ADGRG7: variants seen among roughly 807,000 people sequenced by gnomAD.
ADGRG7 encodes the protein adhesion G protein-coupled receptor G7.
In ADGRG7, 82 loss-of-function variants were observed where a neutral mutation model predicts 88.6. The observed-to-expected ratio is 0.93, with a 90% CI of 0.77 to 1.11. The LOEUF (loss-of-function observed/expected upper bound fraction) is 1.11, where lower values mean the gene tolerates loss of function less well. Ranked by LOEUF, ADGRG7 falls within the 50% of genes most tolerant of loss-of-function variation. The pLI, the probability that ADGRG7 is intolerant of heterozygous loss-of-function variation, is 0.00. For synonymous variants in ADGRG7, 381 were observed against 345.2 expected, an observed-to-expected ratio of 1.10 and a Z score of -1.15; for missense variants, 945 against 953.4, an observed-to-expected ratio of 0.99 and a Z score of 0.12.
intron 1 of ADGRG7, among the ~76,000 whole-genome samples, chr3:100,618,298 A>G (rs1330506153): frequency 6.6e-6 from 1 of 152,152 alleles, no homozygotes; most frequent in Admixed American, 6.5e-5. Flanking sequence ...GCCCATGCCT[A>G]TGTCCTGAAT....
rs1385593073 is a variant in ADGRG7 at position 100,646,559 on chromosome 3, C to T, written c.1111-10C>T. ...GAAACAGTAATTGTAATTGTCTTAT[C>T]AATTCATAGTACAACCAAAAAGAAT... On this transcript the variant is annotated splice_polypyrimidine_tract_variant and intron_variant, in intron 9 of 15. Coordinates refer to ENST00000273352, the MANE Select transcript of ADGRG7 (RefSeq NM_032787.3). 6.2e-7 allele frequency: 1 copy of T among 1,604,248 alleles called. No individual in the cohort carries two copies. Among genetic ancestry groups the T allele is most frequent in the East Asian group, 2.2e-5 (1 of 44,758 alleles).
At chr3:100,656,079 A>T (rs1255380141) in intron 13 of ADGRG7, 84 bp downstream of exon 13, 5 of 745,600 alleles carry the variant, frequency 6.7e-6, no homozygotes, top group Non-Finnish European at 1.2e-5. Context: ...TGTCACTGTA[A>T]TTTGCATTTC....
chr3:100,656,106 G>A lies in ADGRG7; in HGVS notation c.1823+111G>A, dbSNP rs569090377. The stretch of plus-strand genomic sequence containing the variant: ...TTGCATTTCACTTTATAATTGTCAT[G>A]TTTAGTGGTAGACATTTGAAATTCT... On this transcript the variant is annotated intron_variant, in intron 13 of 15. Transcript: ENST00000273352. 1.2e-4 allele frequency: 72 copies of A among 595,022 alleles called. No homozygotes were observed. The East Asian group carries it at 2.0e-3, about 16-fold the overall frequency. The allele number at this position is 595,022 out of a possible 1,614,324, so 36.9% of individuals were successfully genotyped here.
At chr3:100,651,552 TA>T (rs1029068633) in intron 11 of ADGRG7, among the ~76,000 whole-genome samples, 4 of 151,974 alleles carry the variant, frequency 2.6e-5, no homozygotes, top group African/African-American at 9.7e-5. Flanking sequence ...GAAACAAAAA[TA>T]AAAATAAACA....
chr3:100,679,347 G>C (rs1189894484), intron 15 of ADGRG7, among the ~76,000 whole-genome samples: 2 of 152,216 alleles, frequency 1.3e-5, no homozygotes, highest in African/African-American at 4.8e-5. Context: ...AGTCAAGGCA[G>C]TGTACTCTCC....
intron 1 of ADGRG7, among the ~76,000 whole-genome samples, chr3:100,618,362 A>G (rs1228520145): frequency 6.6e-6 from 1 of 152,224 alleles, no homozygotes; most frequent in Non-Finnish European, 1.5e-5. Flanking sequence ...CTAACATTTA[A>G]GTATTTAATC....
chr3:100,685,787 G>A (rs1342184925), intron 15 of ADGRG7, among the ~76,000 whole-genome samples: 1 of 152,102 alleles, frequency 6.6e-6, no homozygotes, highest in Non-Finnish European at 1.5e-5. Context: ...TTGGACATTT[G>A]GGTTGGTTCC....
Position 100,693,759 on chromosome 3 carries a change from T to G in ADGRG7, c.2137-985T>G, listed in dbSNP as rs542868810. ...TCCAGCTTTCCCAAATGATAATATC[T>G]TATACAGCCATAGTATACTGTCAAA... On this transcript the variant is annotated intron_variant, in intron 15 of 15. Coordinates refer to ENST00000273352, the MANE Select transcript of ADGRG7 (RefSeq NM_032787.3). Among the ~76,000 whole-genome samples, 704 of 152,348 alleles carry G rather than the reference T, an allele frequency of 4.6e-3. 9 individuals carry two copies. Among genetic ancestry groups the G allele is most frequent in the African/African-American group, 0.016 (673 of 41,580 alleles).
At chr3:100,656,768 A>T (rs2094938308) in intron 13 of ADGRG7, among the ~76,000 whole-genome samples, 1 of 117,596 alleles carries the variant, frequency 8.5e-6, no homozygotes, top group African/African-American at 3.1e-5. Context: ...CAAGTACACC[A>T]AAGGAAGGCT....
At chr3:100,637,915 A>T (rs1444592125) in intron 6 of ADGRG7, among the ~76,000 whole-genome samples, 1 of 152,204 alleles carries the variant, frequency 6.6e-6, no homozygotes, top group Non-Finnish European at 1.5e-5. Flanking sequence ...CACCCCACTC[A>T]ACCCCTTGCG....
At chr3:100,646,912 A>C (rs1145347) in intron 10 of ADGRG7, among the ~76,000 whole-genome samples, 188 bp downstream of exon 10, 139,513 of 152,244 alleles carry the variant, frequency 0.92, 65,181 homozygotes, top group East Asian at 1. Flanking sequence ...GTAACCCCAG[A>C]ACTTTGGAAG....
intron 15 of ADGRG7, among the ~76,000 whole-genome samples, chr3:100,674,262 TG>T (rs1364265023): frequency 6.6e-6 from 1 of 152,254 alleles, no homozygotes; most frequent in Non-Finnish European, 1.5e-5. Context: ...ATGATAGCTT[TG>T]GCTATTCTAG....
At chr3:100,645,426 C>T (rs1398282210) in intron 8 of ADGRG7, among the ~76,000 whole-genome samples, 1 of 151,902 alleles carries the variant, frequency 6.6e-6, no homozygotes, top group African/African-American at 2.4e-5. Flanking sequence ...GCCTCAAAAA[C>T]TCCACAGAAG....
rs772342238 is a variant in ADGRG7 at position 100,654,859 on chromosome 3, C to T, written c.1404C>T (p.Thr468=). ...GGAAAGTCAGAAAAACCTCAGTAAC[C>T]TGGGTTTTGGTCAATCTGTGCATAT... is the stretch of plus-strand genomic sequence containing the variant. ...VTRKVRKTSV[T]WVLVNLCISM... is the part of the protein sequence containing the mutation. The change falls in exon 12 of 16, where the codon ACC becomes ACT. Residue 468 remains threonine, a synonymous_variant. Coordinates refer to ENST00000273352, the MANE Select transcript of ADGRG7 (RefSeq NM_032787.3). 3 of 1,581,608 alleles carry T rather than the reference C, an allele frequency of 1.9e-6. No homozygotes were observed. Among genetic ancestry groups the T allele is most frequent in the African/African-American group, 1.4e-5 (1 of 73,848 alleles).
At chr3:100,654,000 A>T (rs1324269728) in intron 11 of ADGRG7, among the ~76,000 whole-genome samples, 1 of 152,178 alleles carries the variant, frequency 6.6e-6, no homozygotes, top group African/African-American at 2.4e-5. Flanking sequence ...AGGAAAAAAA[A>T]GGGAAACAGG....
At chr3:100,663,899 T>G (rs991669654) in intron 14 of ADGRG7, among the ~76,000 whole-genome samples, 3 of 152,026 alleles carry the variant, frequency 2.0e-5, no homozygotes, top group Non-Finnish European at 2.9e-5. Context: ...TAGTTAACTA[T>G]TCAAGCATCC....
At chr3:100,615,565 T>C (rs959625880) in intron 1 of ADGRG7, among the ~76,000 whole-genome samples, 1 of 152,336 alleles carries the variant, frequency 6.6e-6, no homozygotes, top group East Asian at 1.9e-4. Context: ...TTTGAAGATA[T>C]GGACCAAGAC....
intron 3 of ADGRG7, among the ~76,000 whole-genome samples, chr3:100,632,240 T>A (rs1181708417): frequency 6.6e-6 from 1 of 152,150 alleles, no homozygotes; most frequent in African/African-American, 2.4e-5. Context: ...AGACTCAACA[T>A]TTTTTATTTG....
Position 100,629,069 on chromosome 3 carries a change from C to T in ADGRG7, c.116-529C>T, listed in dbSNP as rs370383844. On this transcript the variant is annotated intron_variant, in intron 1 of 15. Transcript: ENST00000273352. ...ATTCTTCTCTGTTCCTTAGACACAT[C>T]AGAACTTTCCATGTTTTTGTGATTT... is the stretch of plus-strand genomic sequence containing the variant. Among the ~76,000 whole-genome samples the T allele has an allele frequency of 6.6e-5, 10 of 152,230 alleles. No individual in the cohort carries two copies. In the South Asian group the frequency reaches 1.0e-3, roughly 16 times the overall value.
Sources: gnomAD v4.1 joint callset for allele counts (sites outside exome capture counted in the v4.1 genomes callset) on GRCh38, gnomAD v4.1.1 for gene constraint, MANE v1.5 for transcripts, NCBI Gene and HGNC (gene_info 2026-07-23, HGNC 2026-07-21) for gene names.